Variants in C10orf143 observed in about 807,000 individuals in gnomAD.
C10orf143 encodes uncharacterized protein C10orf143.
chr10:130,043,182 A>G (rs1779358538), intron 3 of C10orf143, among the ~76,000 whole-genome samples: 1 of 152,218 alleles, frequency 6.6e-6, no homozygotes, highest in Non-Finnish European at 1.5e-5. Context: ...ATGCTGCCGT[A>G]AGTCTCAAGG....
chr10:130,073,592 C>T (rs1338322211), intron 3 of C10orf143, among the ~76,000 whole-genome samples: 2 of 151,744 alleles, frequency 1.3e-5, no homozygotes, highest in Non-Finnish European at 2.9e-5. Context: ...TGTTTTCTCT[C>T]TTCGCCTATT....
chr10:130,074,394 A>T (rs528635445), intron 3 of C10orf143, among the ~76,000 whole-genome samples: 30 of 152,304 alleles, frequency 2.0e-4, no homozygotes, highest in African/African-American at 6.5e-4. Context: ...TCCCTCCATG[A>T]TTGTGTTTTC....
chr10:130,107,462 A>G lies in C10orf143; in HGVS notation c.69+3242T>C, dbSNP rs183937805. The stretch of plus-strand genomic sequence containing the variant: ...AGCTTGGGCTGCTGAAAGAAACCTC[A>G]ATGATTTAAGGAAAGAAAATGCTCA... On this transcript the variant is annotated intron_variant, in intron 1 of 3. Transcript: ENST00000637128. 6.9e-3 allele frequency: 9,648 copies of G among 1,405,876 alleles called. 45 individuals carry two copies. Among genetic ancestry groups the G allele is most frequent in the Non-Finnish European group, 8.2e-3 (8,089 of 991,700 alleles). 87.1% of individuals were successfully genotyped at this position (1,405,876 alleles called of 1,614,324 possible).
At chr10:130,106,931 G>C (rs1316435319) in intron 1 of C10orf143, 1 of 1,002,086 alleles carries the variant, frequency 1.0e-6, no homozygotes, top group Non-Finnish European at 1.6e-6. Context: ...AGTGAACAGT[G>C]AATCAGAAGA....
intron 3 of C10orf143, chr10:130,067,850 T>G (rs184903661): frequency 2.0e-5 from 3 of 152,352 alleles, no homozygotes; most frequent in Admixed American, 2.0e-4. Context: ...CACCCTTCTG[T>G]ACCAGTCATA....
rs551348797 is a variant in C10orf143, at chr10:130,043,007, C to A, written c.298-7037G>T. On this transcript the variant is annotated intron_variant and NMD_transcript_variant, in intron 3 of 5. Transcript: ENST00000643056. ...TCCAGGAAAAAACTCGGAGACAGTGCGGAAGCAAGCCTGCAAAACGCTGAT... is the reference window on the plus strand; with the variant it reads ...TCCAGGAAAAAACTCGGAGACAGTGAGGAAGCAAGCCTGCAAAACGCTGAT... 1.1e-4 allele frequency among the ~76,000 whole-genome samples: 17 copies of A among 152,310 alleles called. No homozygotes were observed. In the South Asian group the frequency reaches 3.5e-3, roughly 32 times the overall value.
At chr10:130,099,232 A>T (rs753782) in intron 1 of C10orf143, among the ~76,000 whole-genome samples, 7,637 of 152,258 alleles carry the variant, frequency 0.05, 647 homozygotes, top group African/African-American at 0.18. Context: ...CATTAAACTG[A>T]GTATAACAGA....
intron 1 of C10orf143, chr10:130,105,969 G>A (rs578080375): frequency 5.1e-6 from 2 of 395,968 alleles, no homozygotes; most frequent in African/African-American, 2.1e-5. Context: ...TTCGGGTTCC[G>A]GACGCAAGGC....
intron 1 of C10orf143, chr10:130,108,023 A>G (rs532671013): frequency 3.7e-5 from 55 of 1,501,014 alleles, no homozygotes; most frequent in Non-Finnish European, 4.9e-5. Context: ...AATGGAATCC[A>G]GTAGAAATGA....
downstream of C10orf143, among the ~76,000 whole-genome samples, chr10:130,061,161 T>C (rs1307734749): frequency 6.6e-6 from 1 of 152,186 alleles, no homozygotes; most frequent in Non-Finnish European, 1.5e-5. Flanking sequence ...CTATAAATTT[T>C]AAAAGTACAT....
At position 130,045,910 on chromosome 10, in the gene C10orf143, G is replaced by A. The variant is rs372046042; in HGVS notation, c.298-9940C>T. Reference sequence around the variant, plus strand: ...GGAGAACGTGCCTGCCACGTGCGGGGGAGAAAGGAGCCACCTTCCGAGTAC... The same window carrying A: ...GGAGAACGTGCCTGCCACGTGCGGGAGAGAAAGGAGCCACCTTCCGAGTAC... On this transcript the variant is annotated intron_variant and NMD_transcript_variant, in intron 3 of 5. Transcript: ENST00000643056. Among the ~76,000 whole-genome samples the A allele has an allele frequency of 3.6e-4, 55 of 152,298 alleles. No homozygotes were observed. In the East Asian group the frequency reaches 4.5e-3, roughly 12 times the overall value.
chr10:130,071,785 T>C (rs535457381), intron 3 of C10orf143, among the ~76,000 whole-genome samples: 1 of 152,258 alleles, frequency 6.6e-6, no homozygotes, highest in African/African-American at 2.4e-5. Context: ...GCACCATGCC[T>C]GGCTAATTTT....
intron 3 of C10orf143, among the ~76,000 whole-genome samples, chr10:130,039,137 C>A (rs768176908): frequency 6.6e-6 from 1 of 151,590 alleles, no homozygotes; most frequent in Non-Finnish European, 1.5e-5. Flanking sequence ...CAGCTGGGAA[C>A]GGTGACACTA....
In C10orf143 at chr10:130,076,835, T is replaced by C. The variant is rs1160963214; in HGVS notation, c.297+2731A>G. ...CTGCAGCCTAGGTGACTGTCCAGCA[T>C]GGGAGCCATTGGTGGCAGGAAAGGA... On this transcript the variant is annotated intron_variant, in intron 3 of 3. Transcript: ENST00000637128. 2.0e-5 allele frequency among the ~76,000 whole-genome samples: 3 copies of C among 152,132 alleles called. No individual in the cohort carries two copies. In the South Asian group the frequency reaches 6.2e-4, roughly 32 times the overall value.
chr10:130,080,129 C>T (rs1412312467), intron 1 of C10orf143, among the ~76,000 whole-genome samples: 2 of 152,186 alleles, frequency 1.3e-5, no homozygotes, highest in African/African-American at 4.8e-5. Context: ...TAGCTTTATA[C>T]ATTTAAAACA....
chr10:130,097,547 G>A (rs1311273887), intron 1 of C10orf143, among the ~76,000 whole-genome samples: 1 of 152,148 alleles, frequency 6.6e-6, no homozygotes, highest in Non-Finnish European at 1.5e-5. Context: ...TTCTTAGAAA[G>A]TTAAAAATAA....
At chr10:130,103,860 T>C (rs1184563669) in intron 1 of C10orf143, among the ~76,000 whole-genome samples, 4 of 116,080 alleles carry the variant, frequency 3.4e-5, no homozygotes. Context: ...AATCAACTCA[T>C]ATGACACCAG....
At chr10:130,040,488 C>G (rs928169667) in intron 3 of C10orf143, among the ~76,000 whole-genome samples, 3 of 152,226 alleles carry the variant, frequency 2.0e-5, no homozygotes, top group South Asian at 2.1e-4. Flanking sequence ...AATAAGGCAG[C>G]AGCAAGTCTC....
chr10:130,041,566 C>T (rs751272239), intron 3 of C10orf143, among the ~76,000 whole-genome samples: 12 of 152,230 alleles, frequency 7.9e-5, no homozygotes, highest in Admixed American at 2.0e-4. Context: ...ATCATAAATT[C>T]GATTTGCATT....
Sources: allele counts gnomAD v4.1 joint callset (sites outside exome capture counted in the v4.1 genomes callset), GRCh38; gene constraint gnomAD v4.1.1; transcripts MANE v1.5; gene names NCBI Gene and HGNC (gene_info 2026-07-23, HGNC 2026-07-21).